Variants in TOMM20L observed in about 807,000 individuals in gnomAD.
TOMM20L encodes the protein translocase of outer mitochondrial membrane 20 like.
TOMM20L carries 19 observed loss-of-function variants against 20.4 expected under a neutral mutation model. That is an observed-to-expected ratio of 0.93 (90% CI 0.65 to 1.36). The LOEUF is 1.36. TOMM20L is among the 40% of genes most tolerant of loss of function. TOMM20L has a pLI of 0.00. For missense variants in TOMM20L, 218 were observed against 203.7 expected, an observed-to-expected ratio of 1.07 and a Z score of -0.43; for synonymous variants, 75 against 79.6, an observed-to-expected ratio of 0.94 and a Z score of 0.30.
intron 2 of TOMM20L, among the ~76,000 whole-genome samples, chr14:58,397,150 G>T (rs1412450812): frequency 6.6e-6 from 1 of 152,222 alleles, no homozygotes; most frequent in East Asian, 1.9e-4. Context: ...GTTGATGCTG[G>T]ATGTTTACTT....
chr14:58,406,631 T>C (rs2036061626), intron 3 of TOMM20L, among the ~76,000 whole-genome samples: 1 of 152,242 alleles, frequency 6.6e-6, no homozygotes, highest in Non-Finnish European at 1.5e-5. Flanking sequence ...GCATTGAAAC[T>C]ATACATCATT....
the TOMM20L span, among the ~76,000 whole-genome samples, chr14:58,413,880 G>A: frequency 3.3e-5 from 5 of 151,616 alleles, no homozygotes; most frequent in Non-Finnish European, 7.4e-5. Flanking sequence ...GGTGGTGGGC[G>A]CCTGGAGTCC....
At chr14:58,412,361 C>A (rs1216945552), downstream of TOMM20L, among the ~76,000 whole-genome samples, 1 of 152,166 alleles carries the variant, frequency 6.6e-6, no homozygotes, top group Admixed American at 6.5e-5. Flanking sequence ...AGGATGGTCT[C>A]GATCTCTTAA....
At position 58,408,552 on chromosome 14, in the gene TOMM20L, A is replaced by G; in HGVS notation, c.429A>G (p.Glu143=). ...AGCAATTTGAGGCAGACATGAATGA[A>G]CAGGACTGCTTGGAGGATGATCCTG... The part of the protein sequence containing the change: ...ICQQFEADMN[E]QDCLEDDPD The change falls in exon 5 of 5, where the codon GAA becomes GAG. Residue 143 remains glutamate, a synonymous_variant. Coordinates refer to ENST00000360945, the MANE Select transcript of TOMM20L (RefSeq NM_207377.3). 6.2e-7 allele frequency: 1 copy of G among 1,614,094 alleles called. No individual in the cohort carries two copies. The highest frequency in any genetic ancestry group is 8.5e-7 in the Non-Finnish European group (1 of 1,179,990).
At chr14:58,399,885 CATAT>C (rs869260438) in intron 2 of TOMM20L, among the ~76,000 whole-genome samples, 2,461 of 37,200 alleles carry the variant, frequency 0.066, 44 homozygotes, top group Admixed American at 0.078. Context: ...TGCTCTATTG[CATAT>C]ATATATATAT....
At chr14:58,408,942 C>T (rs1595004110), downstream of TOMM20L, 1 of 1,517,152 alleles carries the variant, frequency 6.6e-7, no homozygotes, top group African/African-American at 1.4e-5. Flanking sequence ...ATGGTGGCTA[C>T]TGCTTTCAGG....
chr14:58,415,902 A>G, the TOMM20L span, among the ~76,000 whole-genome samples: 2 of 152,256 alleles, frequency 1.3e-5, no homozygotes, highest in East Asian at 1.9e-4. Context: ...ACATCGACAC[A>G]TAATAGTCAA....
chr14:58,408,196 C>T (rs1383563956), intron 4 of TOMM20L, among the ~76,000 whole-genome samples: 1 of 152,058 alleles, frequency 6.6e-6, no homozygotes, highest in African/African-American at 2.4e-5. Context: ...GCAGGCGGAT[C>T]ACCTGAGGTC....
chr14:58,409,191 C>A, downstream of TOMM20L: 1 of 1,600,876 alleles, frequency 6.2e-7, no homozygotes, highest in South Asian at 1.1e-5. Context: ...AGGGAAGATC[C>A]AAGAGGCAAC....
chr14:58,414,556 A>C, the TOMM20L span, among the ~76,000 whole-genome samples: 1 of 151,818 alleles, frequency 6.6e-6, no homozygotes, highest in African/African-American at 2.4e-5. Flanking sequence ...TGGACAGCAT[A>C]GTGAAACCGC....
chr14:58,415,780 A>T, the TOMM20L span, among the ~76,000 whole-genome samples: 1 of 152,206 alleles, frequency 6.6e-6, no homozygotes, highest in African/African-American at 2.4e-5. Flanking sequence ...GTAGGGTAGT[A>T]AAAGTAGTGG....
rs781350820 is a variant in TOMM20L, at chr14:58,396,141, G to A, written c.136+48G>A. 3.1e-6 allele frequency: 4 copies of A among 1,276,926 alleles called. No homozygotes were observed. The African/African-American group carries it at 4.7e-5, about 15-fold the overall frequency. The allele number at this position is 1,276,926 out of a possible 1,614,324, so 79.1% of individuals were successfully genotyped here. ...CGCGGCCGGGCCGGGCAGCGCGGGC[G>A]GGCTGCCGGCCGGGAGGGCCCCCCA... On this transcript the variant is annotated intron_variant, in intron 1 of 4. Transcript: ENST00000360945.
chr14:58,399,885 C>CTT (rs2035970311), intron 2 of TOMM20L, among the ~76,000 whole-genome samples: 1 of 37,302 alleles, frequency 2.7e-5, no homozygotes, highest in Admixed American at 4.2e-4. Flanking sequence ...TGCTCTATTG[C>CTT]ATATATATAT....
intron 4 of TOMM20L, 125 bp downstream of exon 4, chr14:58,407,593 A>G: frequency 9.0e-7 from 1 of 1,108,890 alleles, no homozygotes; most frequent in South Asian, 1.8e-5. Flanking sequence ...GAAATCTCTG[A>G]ATTTTTGGCT....
intron 2 of TOMM20L, among the ~76,000 whole-genome samples, chr14:58,401,548 C>T (rs959938505): frequency 2.8e-5 from 4 of 142,762 alleles, no homozygotes; most frequent in Admixed American, 7.2e-5. Flanking sequence ...CCAGCCTGGG[C>T]GACAGAGCAA....
intron 2 of TOMM20L, among the ~76,000 whole-genome samples, chr14:58,396,881 G>A (rs1486492966): frequency 6.6e-6 from 1 of 152,240 alleles, no homozygotes; most frequent in African/African-American, 2.4e-5. Flanking sequence ...ATCACGTGAG[G>A]TCAGGAGTTT....
In TOMM20L at chr14:58,396,091, A is replaced by G; in HGVS notation, c.134A>G (p.Asp45Gly). 2 of 1,381,734 alleles carry G rather than the reference A, an allele frequency of 1.4e-6. No individual in the cohort carries two copies. The highest frequency in any genetic ancestry group is 2.0e-5 in the South Asian group (1 of 49,354). 85.6% of individuals were successfully genotyped at this position (1,381,734 alleles called of 1,614,324 possible). ...GDPAFKRRLR[D>G]KRRAEPQKAE... The stretch of plus-strand genomic sequence containing the variant: ...CCCGCGTTCAAGCGCCGCCTGCGGG[A>G]CAGTGAGTGGGACCGAGGCGGAGGC... Residue 45 changes from aspartate to glycine, a missense_variant and splice_region_variant, in exon 1 of 5, where the codon GAC becomes GGC. Coordinates refer to ENST00000360945, the MANE Select transcript of TOMM20L (RefSeq NM_207377.3).
chr14:58,397,842 T>G (rs2035947421), intron 2 of TOMM20L, among the ~76,000 whole-genome samples: 1 of 152,248 alleles, frequency 6.6e-6, no homozygotes, highest in East Asian at 1.9e-4. Context: ...AGAGAAATAT[T>G]CTTAGATTGA....
intron 3 of TOMM20L, 105 bp downstream of exon 3, chr14:58,402,866 C>T: frequency 1.2e-6 from 1 of 812,694 alleles, no homozygotes; most frequent in Non-Finnish European, 2.0e-6. Context: ...TGTTAGCCAA[C>T]TCCCCTCATT....
Sources: gnomAD v4.1 joint callset for allele counts (sites outside exome capture counted in the v4.1 genomes callset) on GRCh38, gnomAD v4.1.1 for gene constraint, MANE v1.5 for transcripts, NCBI Gene and HGNC (gene_info 2026-07-23, HGNC 2026-07-21) for gene names.